SETBP1: variants seen among roughly 807,000 people sequenced by gnomAD.
The protein encoded by SETBP1 is SET-binding protein.
In SETBP1, 9 loss-of-function variants were observed where a neutral mutation model predicts 101.0. The ratio of observed to expected loss-of-function variants is 0.09; its 90% CI spans 0.05 to 0.16. SETBP1 has a LOEUF of 0.16. Among genes scored for constraint, SETBP1 ranks in the 10% least tolerant of loss-of-function variants. The pLI is 1.00. For synonymous variants in SETBP1, 818 were observed against 788.5 expected (o/e 1.04, Z -0.63); for missense variants, 1,858 against 2,033.8 (o/e 0.91, Z 1.66).
intron 2 of SETBP1, among the ~76,000 whole-genome samples, chr18:44,862,490 C>A (rs564823865): frequency 2.0e-5 from 3 of 152,014 alleles, no homozygotes; most frequent in Non-Finnish European, 2.9e-5. Context: ...AAACCACCCC[C>A]GCGGTCTCTA....
intron 2 of SETBP1, among the ~76,000 whole-genome samples, chr18:44,706,051 G>A (rs2069209655): frequency 6.6e-6 from 1 of 152,152 alleles, no homozygotes; most frequent in Non-Finnish European, 1.5e-5. Flanking sequence ...GCAGCATTTG[G>A]TAGGAAGTAG....
chr18:45,005,945 CTTTTTTT>C (rs1032603185), intron 4 of SETBP1, among the ~76,000 whole-genome samples: 2 of 103,156 alleles, frequency 1.9e-5, no homozygotes, highest in African/African-American at 4.0e-5. Flanking sequence ...TGCACCCGGC[CTTTTTTT>C]TTTTTTTTTT....
At chr18:44,898,434 C>T (rs1008242163) in intron 3 of SETBP1, among the ~76,000 whole-genome samples, 4 of 152,086 alleles carry the variant, frequency 2.6e-5, no homozygotes, top group African/African-American at 7.2e-5. Flanking sequence ...TCTAATTTAG[C>T]GTGGCTAGAA....
intron 2 of SETBP1, among the ~76,000 whole-genome samples, chr18:44,852,289 G>A (rs188456546): frequency 9.4e-4 from 143 of 152,304 alleles, no homozygotes; most frequent in Middle Eastern, 6.8e-3. Flanking sequence ...CCTGAAATCA[G>A]TAACCTCAGT....
intron 2 of SETBP1, among the ~76,000 whole-genome samples, chr18:44,735,653 T>A (rs1288423392): frequency 6.6e-6 from 1 of 152,136 alleles, no homozygotes; most frequent in Non-Finnish European, 1.5e-5. Flanking sequence ...AGTGGCCCAG[T>A]CTTCCTGGGA....
At chr18:44,795,796 CA>C (rs1372815026) in intron 2 of SETBP1, among the ~76,000 whole-genome samples, 11 of 152,266 alleles carry the variant, frequency 7.2e-5, no homozygotes, top group Non-Finnish European at 1.0e-4. Flanking sequence ...ACTCAGTCAA[CA>C]TAAGCTCTTC....
intron 3 of SETBP1, among the ~76,000 whole-genome samples, chr18:44,929,977 A>G (rs2144984054): frequency 6.6e-6 from 1 of 152,302 alleles, no homozygotes; most frequent in East Asian, 1.9e-4. Context: ...ACTGTGTTGA[A>G]TAGGAGTGGT....
intron 2 of SETBP1, among the ~76,000 whole-genome samples, chr18:44,788,226 G>C (rs1408075317): frequency 2.6e-5 from 4 of 152,116 alleles, no homozygotes; most frequent in African/African-American, 9.7e-5. Context: ...AGATAGGAGG[G>C]AAGGCTGCCT....
chr18:44,924,203 C>G (rs2070646515), intron 3 of SETBP1, among the ~76,000 whole-genome samples: 4 of 152,066 alleles, frequency 2.6e-5, no homozygotes, highest in South Asian at 2.1e-4. Context: ...ATAAATGATG[C>G]CAGGTTGGGG....
At chr18:45,012,655 C>T (rs748608935) in intron 4 of SETBP1, among the ~76,000 whole-genome samples, 10 of 151,962 alleles carry the variant, frequency 6.6e-5, no homozygotes, top group Admixed American at 1.3e-4. Context: ...TATATATGCA[C>T]ACATACAATG....
chr18:44,747,963 C>G (rs2070296467), intron 2 of SETBP1, among the ~76,000 whole-genome samples: 3 of 152,142 alleles, frequency 2.0e-5, no homozygotes, highest in Admixed American at 2.0e-4. Flanking sequence ...GAGCATAGGT[C>G]AGGTTGTATT....
chr18:45,005,489 A>G (rs527386437), intron 4 of SETBP1, among the ~76,000 whole-genome samples: 1 of 152,294 alleles, frequency 6.6e-6, no homozygotes, highest in South Asian at 2.1e-4. Flanking sequence ...GTTGTGAAAT[A>G]TGACTCAGGG....
At chr18:45,057,634 G>A (rs1161582130) in intron 5 of SETBP1, among the ~76,000 whole-genome samples, 1 of 152,146 alleles carries the variant, frequency 6.6e-6, no homozygotes, top group African/African-American at 2.4e-5. Context: ...AGCTGTATCT[G>A]CCCTGAAATG....
At chr18:44,997,922 T>C (rs1453549254) in intron 4 of SETBP1, among the ~76,000 whole-genome samples, 1 of 152,190 alleles carries the variant, frequency 6.6e-6, no homozygotes, top group African/African-American at 2.4e-5. Context: ...AATTATGAGG[T>C]TTCCCCTGCT....
chr18:44,995,597 A>G (rs1208761607), intron 4 of SETBP1, among the ~76,000 whole-genome samples: 1 of 148,592 alleles, frequency 6.7e-6, no homozygotes, highest in Non-Finnish European at 1.5e-5. Flanking sequence ...TAGATAATTT[A>G]ACATTTCTGT....
At chr18:44,761,768 G>A (rs993604510) in intron 2 of SETBP1, among the ~76,000 whole-genome samples, 1 of 152,208 alleles carries the variant, frequency 6.6e-6, no homozygotes, top group Non-Finnish European at 1.5e-5. Context: ...TGTTGTATAT[G>A]AGCCTCGTGA....
At chr18:44,762,282 T>G (rs1417566952) in intron 2 of SETBP1, among the ~76,000 whole-genome samples, 1 of 152,242 alleles carries the variant, frequency 6.6e-6, no homozygotes, top group Non-Finnish European at 1.5e-5. Flanking sequence ...AGCTCTTCCT[T>G]GACAGCAGCC....
intron 3 of SETBP1, among the ~76,000 whole-genome samples, chr18:44,881,423 T>C (rs1235491596): frequency 6.6e-6 from 1 of 152,208 alleles, no homozygotes; most frequent in Non-Finnish European, 1.5e-5. Context: ...CATTTCATTC[T>C]TGATAAACTC....
chr18:44,862,900 G>A (rs1300347332), intron 2 of SETBP1, among the ~76,000 whole-genome samples: 1 of 152,192 alleles, frequency 6.6e-6, no homozygotes, highest in Non-Finnish European at 1.5e-5. Flanking sequence ...TCATTTCATA[G>A]GTGGTAAAAT....
Sources: allele counts gnomAD v4.1 joint callset (sites outside exome capture counted in the v4.1 genomes callset), GRCh38; gene constraint gnomAD v4.1.1; transcripts MANE v1.5; gene names NCBI Gene and HGNC (gene_info 2026-07-23, HGNC 2026-07-21).